TMTC2: variants seen among roughly 807,000 people sequenced by gnomAD.
TMTC2 encodes the protein protein O-mannosyl-transferase TMTC2.
Under a neutral mutation model 82.4 loss-of-function variants are expected in TMTC2, and 43 were observed. That is an observed-to-expected ratio of 0.52 (90% CI 0.41 to 0.67). TMTC2 has a LOEUF of 0.67. Among genes scored for constraint, TMTC2 ranks in the 30% least tolerant of loss-of-function variants. TMTC2 has a pLI of 0.00. For synonymous variants in TMTC2, 408 were observed against 381.9 expected (o/e 1.07, Z -0.80); for missense variants, 919 against 1,012.4 (o/e 0.91, Z 1.25).
Position 82,779,664 on chromosome 12 carries a change from C to T in TMTC2, c.84-77346C>T, listed in dbSNP as rs555938465. 5.9e-5 allele frequency among the ~76,000 whole-genome samples: 9 copies of T among 152,006 alleles called. 1 individual carries two copies. The South Asian group carries it at 1.5e-3, about 25-fold the overall frequency. On this transcript the variant is annotated intron_variant, in intron 1 of 11. Coordinates refer to ENST00000321196, the MANE Select transcript of TMTC2 (RefSeq NM_152588.3). ...CTGTGATCCCAGCACTTTGGGAGGC[C>T]GAGACAGGTGGATCACCTGAGGTCA...
intron 11 of TMTC2, among the ~76,000 whole-genome samples, chr12:83,130,815 G>T (rs1476674527): frequency 3.3e-5 from 5 of 152,120 alleles, no homozygotes; most frequent in African/African-American, 1.2e-4. Context: ...ATGCAAAGTT[G>T]ATATTATTTC....
chr12:82,966,794 C>G lies in TMTC2; in HGVS notation c.1870-125C>G, dbSNP rs910756612. On this transcript the variant is annotated intron_variant, in intron 6 of 11. Coordinates refer to ENST00000321196, the MANE Select transcript of TMTC2 (RefSeq NM_152588.3). ...AAAAGGACAGTTCAATTATTTTCCTCTAGTGAACCATTTAGAAATAGCAGT... is the reference window on the plus strand; with the variant it reads ...AAAAGGACAGTTCAATTATTTTCCTGTAGTGAACCATTTAGAAATAGCAGT... 7 of 615,418 alleles carry G rather than the reference C, an allele frequency of 1.1e-5. No individual in the cohort carries two copies. In the African/African-American group the frequency reaches 1.3e-4, roughly 11 times the overall value. 38.1% of individuals were successfully genotyped at this position (615,418 alleles called of 1,614,324 possible). A position where few individuals can be genotyped will look rare whatever the true frequency, so the allele number is the denominator to read the frequency against.
intron 4 of TMTC2, 75 bp from the exon 5 acceptor site, chr12:82,964,945 TTGGA>T: frequency 4.5e-6 from 4 of 881,156 alleles, no homozygotes; most frequent in Non-Finnish European, 6.9e-6. Flanking sequence ...ATTTTTATTT[TTGGA>T]ATATAAAATA....
chr12:83,097,240 G>T (rs911147689), intron 11 of TMTC2, among the ~76,000 whole-genome samples: 1 of 152,112 alleles, frequency 6.6e-6, no homozygotes, highest in Admixed American at 6.5e-5. Context: ...GTCCTGAAAA[G>T]GATATAATGA....
At chr12:83,118,354 G>A (rs577258430) in intron 11 of TMTC2, among the ~76,000 whole-genome samples, 14 of 152,170 alleles carry the variant, frequency 9.2e-5, no homozygotes, top group East Asian at 5.8e-4. Context: ...TTTGTATGCC[G>A]ATTTTGCTTA....
intron 1 of TMTC2, among the ~76,000 whole-genome samples, chr12:82,820,389 G>A (rs766802997): frequency 2.7e-5 from 4 of 148,318 alleles, no homozygotes; most frequent in African/African-American, 1.0e-4. Flanking sequence ...TTTTTTTTTC[G>A]AGACACAGTC....
intron 1 of TMTC2, among the ~76,000 whole-genome samples, chr12:82,786,064 G>A (rs1878163295): frequency 6.6e-6 from 1 of 151,946 alleles, no homozygotes; most frequent in African/African-American, 2.4e-5. Context: ...AGGTTAACTG[G>A]CTCTGATTAC....
intron 1 of TMTC2, among the ~76,000 whole-genome samples, chr12:82,773,919 A>G (rs1239821336): frequency 1.3e-5 from 2 of 152,154 alleles, no homozygotes; most frequent in Non-Finnish European, 2.9e-5. Flanking sequence ...TGTTGGAATG[A>G]AAATAATAAT....
chr12:83,042,345 A>C (rs962197522), intron 9 of TMTC2, among the ~76,000 whole-genome samples: 2 of 152,294 alleles, frequency 1.3e-5, no homozygotes, highest in South Asian at 4.1e-4. Context: ...TAGTGTAAGA[A>C]TGCACCCCAT....
intron 4 of TMTC2, among the ~76,000 whole-genome samples, chr12:82,948,669 A>G (rs181330595): frequency 1.2e-3 from 185 of 152,340 alleles, no homozygotes; most frequent in African/African-American, 4.1e-3. Context: ...AGGGACAAAG[A>G]AAACACCCAC....
chr12:82,798,034 T>TTCACACCATTCTCCTGCC (rs1294151264), intron 1 of TMTC2, among the ~76,000 whole-genome samples: 22 of 148,088 alleles, frequency 1.5e-4, no homozygotes, highest in African/African-American at 5.2e-4. Context: ...GCCTCCCAGG[T>TTCACACCATTCTCCTGCC]TCACACCATT....
chr12:83,117,720 A>G (rs1304293854), intron 11 of TMTC2, among the ~76,000 whole-genome samples: 2 of 152,048 alleles, frequency 1.3e-5, no homozygotes, highest in African/African-American at 4.8e-5. Context: ...ATGGGGTTGC[A>G]TTGAATTTGT....
chr12:82,957,961 T>C, intron 4 of TMTC2, among the ~76,000 whole-genome samples: 1 of 151,978 alleles, frequency 6.6e-6, no homozygotes, highest in East Asian at 1.9e-4. Flanking sequence ...AAAGAACTGG[T>C]ACTAATTCTG....
chr12:83,029,482 G>C (rs1215518335), intron 8 of TMTC2, among the ~76,000 whole-genome samples: 2 of 152,042 alleles, frequency 1.3e-5, no homozygotes, highest in African/African-American at 4.8e-5. Context: ...TAGAAAATTG[G>C]TCTTCATAAC....
intron 1 of TMTC2, among the ~76,000 whole-genome samples, chr12:82,742,356 G>GT (rs954208210): frequency 7.3e-4 from 7 of 9,590 alleles, no homozygotes; most frequent in Admixed American, 1.8e-3. Context: ...AAATGAAGAA[G>GT]TTTAAAAAAA....
At chr12:83,084,014 C>A (rs939068475) in intron 11 of TMTC2, among the ~76,000 whole-genome samples, 2 of 152,162 alleles carry the variant, frequency 1.3e-5, no homozygotes, top group African/African-American at 4.8e-5. Context: ...CGACACGTAT[C>A]CTCTGGGTCT....
intron 11 of TMTC2, among the ~76,000 whole-genome samples, chr12:83,116,123 G>T (rs750621397): frequency 6.6e-6 from 1 of 152,104 alleles, no homozygotes; most frequent in South Asian, 2.1e-4. Flanking sequence ...TCATTCTTAC[G>T]CCTTTGCATC....
intron 2 of TMTC2, among the ~76,000 whole-genome samples, chr12:82,865,622 G>T (rs1281697369): frequency 6.6e-6 from 1 of 152,070 alleles, no homozygotes; most frequent in African/African-American, 2.4e-5. Context: ...AATTAACAAG[G>T]TTATCCAGGA....
intron 11 of TMTC2, among the ~76,000 whole-genome samples, chr12:83,131,964 A>G (rs1348972836): frequency 3.9e-5 from 6 of 152,140 alleles, no homozygotes; most frequent in Non-Finnish European, 8.8e-5. Context: ...ATGCTTTCTC[A>G]TTAAAGAAAA....
Sources: gnomAD v4.1 joint callset for allele counts (sites outside exome capture counted in the v4.1 genomes callset) on GRCh38, gnomAD v4.1.1 for gene constraint, MANE v1.5 for transcripts, NCBI Gene and HGNC (gene_info 2026-07-23, HGNC 2026-07-21) for gene names.